CLBA1: variants seen among roughly 807,000 people sequenced by gnomAD.
CLBA1 encodes uncharacterized protein CLBA1.
CLBA1 carries 30 observed loss-of-function variants against 28.8 expected under a neutral mutation model. The observed-to-expected ratio is 1.04, with a 90% CI of 0.78 to 1.41. The LOEUF is 1.41. Ranked by LOEUF, CLBA1 falls within the 40% of genes most tolerant of loss-of-function variation. CLBA1 has a pLI of 0.00. For synonymous variants in CLBA1, 160 were observed against 152.8 expected (o/e 1.05, Z -0.35); for missense variants, 451 against 412.3 (o/e 1.09, Z -0.81).
At chr14:104,994,274 G>C (rs1187356346) in intron 4 of CLBA1, 1 of 985,316 alleles carries the variant, frequency 1.0e-6, no homozygotes, top group African/African-American at 1.7e-5. Flanking sequence ...GGAGGGCTGT[G>C]AGTGTGCAGG....
rs1458721662 is a variant in CLBA1, at chr14:104,994,981, T to C, written c.*222T>C. On this transcript the variant is annotated 3_prime_UTR_variant, in exon 5 of 5. Transcript: ENST00000547315. ...CCAAGGGGAGACAGAGGTTTCTGGATGCCATGACAGGCTGTCGGGGTCCAG... is the reference window on the plus strand; with the variant it reads ...CCAAGGGGAGACAGAGGTTTCTGGACGCCATGACAGGCTGTCGGGGTCCAG... 5.8e-6 allele frequency: 7 copies of C among 1,211,586 alleles called. No homozygotes were observed. Among genetic ancestry groups the C allele is most frequent in the African/African-American group, 1.6e-5 (1 of 63,536 alleles). The allele number at this position is 1,211,586 out of a possible 1,614,324, so 75.1% of individuals were successfully genotyped here.
downstream of CLBA1, among the ~76,000 whole-genome samples, chr14:104,998,738 T>C (rs1297886739): frequency 2.0e-5 from 3 of 152,208 alleles, no homozygotes; most frequent in African/African-American, 7.2e-5. Flanking sequence ...TGTGGCTATA[T>C]AGGAACAGGC....
At chr14:104,987,134 C>G (rs1035044120) in intron 1 of CLBA1, among the ~76,000 whole-genome samples, 3 of 152,278 alleles carry the variant, frequency 2.0e-5, no homozygotes, top group African/African-American at 4.8e-5. Flanking sequence ...CCTCCCCCAG[C>G]CTGTCCATTC....
chr14:104,995,674 C>T (rs868738463), downstream of CLBA1, among the ~76,000 whole-genome samples: 5 of 152,114 alleles, frequency 3.3e-5, no homozygotes, highest in East Asian at 5.8e-4. Context: ...GGTATCAGTG[C>T]GATGTGCACA....
chr14:104,996,058 G>A (rs887514660), downstream of CLBA1, among the ~76,000 whole-genome samples: 4 of 152,066 alleles, frequency 2.6e-5, no homozygotes, highest in South Asian at 2.1e-4. Flanking sequence ...TCCAAGATTC[G>A]GGTTCAGACT....
At chr14:104,994,037 CACAGGTG>C (rs1383606168) in intron 4 of CLBA1, 1 of 984,764 alleles carries the variant, frequency 1.0e-6, no homozygotes, top group Non-Finnish European at 1.2e-6. Flanking sequence ...ATGATCAGCA[CACAGGTG>C]ACAGGCGACA....
chr14:104,994,174 G>A lies in CLBA1; in HGVS notation c.817-424G>A, dbSNP rs1475031250. ...GAGCAGCAGCTGTAAAGAAATGTTC[G>A]TGGCTGTGTTGTTCACAGCAGCCGG... On this transcript the variant is annotated intron_variant, in intron 4 of 4. Coordinates refer to ENST00000547315, the MANE Select transcript of CLBA1 (RefSeq NM_174891.4). 7.1e-6 allele frequency: 7 copies of A among 985,306 alleles called. No individual in the cohort carries two copies. The South Asian group carries it at 1.4e-4, about 20-fold the overall frequency. 61.0% of individuals were successfully genotyped at this position (985,306 alleles called of 1,614,324 possible).
chr14:104,997,064 C>T (rs768549822), downstream of CLBA1, among the ~76,000 whole-genome samples: 2 of 152,090 alleles, frequency 1.3e-5, no homozygotes, highest in Non-Finnish European at 2.9e-5. Flanking sequence ...CAGAGTCAGC[C>T]CCAGTGGTAA....
chr14:105,000,913 AG>A (rs1209267991), intron 2 of CLBA1, among the ~76,000 whole-genome samples: 1 of 152,102 alleles, frequency 6.6e-6, no homozygotes, highest in Non-Finnish European at 1.5e-5. Context: ...TCCAATGGAA[AG>A]GAAATCAGTA....
Position 104,986,840 on chromosome 14 carries a change from G to T in CLBA1, c.409G>T (p.Val137Phe), listed in dbSNP as rs372562813. ...ACCTTGGGTGACAGGAACTTCTGCC[G>T]TCCCACCTTCTGAGGTATTTCTGCT... ...GGPWVTGTSA[V>F]PPSEPILSYE... The change falls in exon 1 of 5, where the codon GTC (valine) becomes TTC (phenylalanine). Residue 137 changes from valine to phenylalanine, a missense_variant. Coordinates refer to ENST00000547315, the MANE Select transcript of CLBA1 (RefSeq NM_174891.4). The T allele has an allele frequency of 6.2e-7, 1 of 1,612,998 alleles. No homozygotes were observed. Among genetic ancestry groups the T allele is most frequent in the Admixed American group, 1.7e-5 (1 of 59,998 alleles).
At position 104,985,902 on chromosome 14, in the gene CLBA1, C is replaced by T; in HGVS notation, c.-530C>T. The T allele has an allele frequency of 7.9e-6, 1 of 127,066 alleles. No homozygotes were observed. Among genetic ancestry groups the T allele is most frequent in the South Asian group, 5.8e-5 (1 of 17,354 alleles). 7.9% of individuals were successfully genotyped at this position (127,066 alleles called of 1,614,324 possible). A position where few individuals can be genotyped will look rare whatever the true frequency, so the allele number is the denominator to read the frequency against. On this transcript the variant is annotated 5_prime_UTR_variant, in exon 1 of 5. Transcript: ENST00000547315. ...AGGTGGGTGCGGGGACTCTCGGGAG[C>T]CGTGGGCCAGGCGCTTAGCCGGCCA...
intron 2 of CLBA1, chr14:104,989,817 G>C (rs1342932446): frequency 2.4e-6 from 1 of 415,014 alleles, no homozygotes; most frequent in African/African-American, 2.0e-5. Flanking sequence ...AGCCAGGGGA[G>C]AGCCAGGTCA....
downstream of CLBA1, among the ~76,000 whole-genome samples, chr14:104,997,249 G>A (rs1900171768): frequency 6.6e-6 from 1 of 152,152 alleles, no homozygotes; most frequent in Non-Finnish European, 1.5e-5. Context: ...CTTTAGATGG[G>A]TTTAACAGCA....
In CLBA1 at chr14:104,986,312, GCGTCCCCTGGCC is replaced by G; in HGVS notation, c.-118_-107del. ...CTGGGCAGCCCGGGGCACTCCTGCA[GCGTCCCCTGGCC>G]CTCTCCAGGGCAGGGGAAGGTTGGG... On this transcript the variant is annotated 5_prime_UTR_variant, in exon 1 of 5. Transcript: ENST00000547315. 1 of 1,073,866 alleles carries G rather than the reference GCGTCCCCTGGCC, an allele frequency of 9.3e-7. No homozygotes were observed. The highest frequency in any genetic ancestry group is 1.3e-6 in the Non-Finnish European group (1 of 762,610). 66.5% of individuals were successfully genotyped at this position (1,073,866 alleles called of 1,614,324 possible).
chr14:104,986,399 C>T lies in CLBA1; in HGVS notation c.-33C>T, dbSNP rs1301112872. On this transcript the variant is annotated 5_prime_UTR_variant, in exon 1 of 5. Transcript: ENST00000547315. Reference sequence around the variant, plus strand: ...GCGTGCATGTCTCCTGAGCAGCTGCCCATCGGGCCTCTGCTGGCCTGGGGG... The same window carrying T: ...GCGTGCATGTCTCCTGAGCAGCTGCTCATCGGGCCTCTGCTGGCCTGGGGG... 6.2e-7 allele frequency: 1 copy of T among 1,601,674 alleles called. No individual in the cohort carries two copies.
At chr14:105,000,410 T>C (rs1017300168), downstream of CLBA1, among the ~76,000 whole-genome samples, 3 of 152,092 alleles carry the variant, frequency 2.0e-5, no homozygotes, top group African/African-American at 7.2e-5. Flanking sequence ...TAGCTGGGAC[T>C]ACAGGCGCCC....
chr14:104,994,800 T>C lies in CLBA1; in HGVS notation c.*41T>C. The C allele has an allele frequency of 6.4e-7, 1 of 1,565,098 alleles. No individual in the cohort carries two copies. On this transcript the variant is annotated 3_prime_UTR_variant, in exon 5 of 5. Coordinates refer to ENST00000547315, the MANE Select transcript of CLBA1 (RefSeq NM_174891.4). ...GTACCTTTATGAGGAATTTTTCATTTTCTTCCTGGCTGGGTTGATGTGGAA... is the reference window on the plus strand; with the variant it reads ...GTACCTTTATGAGGAATTTTTCATTCTCTTCCTGGCTGGGTTGATGTGGAA...
downstream of CLBA1, among the ~76,000 whole-genome samples, chr14:104,996,239 A>T (rs1900153045): frequency 6.6e-6 from 1 of 152,188 alleles, no homozygotes; most frequent in African/African-American, 2.4e-5. Flanking sequence ...CCCACTAGAG[A>T]AGAGAGGCCC....
intron 3 of CLBA1, among the ~76,000 whole-genome samples, chr14:104,992,138 G>A (rs1290754117): frequency 2.8e-4 from 37 of 132,926 alleles, no homozygotes; most frequent in Admixed American, 6.9e-4. Context: ...CGCACACGCC[G>A]CCATGCACAC....
Sources: gnomAD v4.1 joint callset for allele counts (sites outside exome capture counted in the v4.1 genomes callset) on GRCh38, gnomAD v4.1.1 for gene constraint, MANE v1.5 for transcripts, NCBI Gene and HGNC (gene_info 2026-07-23, HGNC 2026-07-21) for gene names.